CD36: variants seen among roughly 807,000 people sequenced by gnomAD.
CD36 encodes the protein CD36 molecule (CD36 blood group), also known as platelet glycoprotein 4.
A neutral mutation model predicts 55.2 loss-of-function variants in CD36; 119 were observed. The observed-to-expected ratio is 2.15, with a 90% CI of 1.86 to 2.51. The LOEUF is 2.51. Among genes scored for constraint, CD36 ranks in the 30% most tolerant of loss-of-function variants. CD36 has a pLI of 0.00. For synonymous variants in CD36, 186 were observed against 193.6 expected (o/e 0.96, Z 0.33); for missense variants, 819 against 555.5 (o/e 1.47, Z -4.77).
In CD36 at chr7:80,671,872, G is replaced by A. The variant is rs764283553; in HGVS notation, c.1007-50G>A. On this transcript the variant is annotated intron_variant, in intron 10 of 14. Transcript: ENST00000447544. ...TGGAAATATTTTTTGAGTTATATGT[G>A]AAATGAAGGAAGTTATTAATTCCAA... 7 of 1,561,802 alleles carry A rather than the reference G, an allele frequency of 4.5e-6. No individual in the cohort carries two copies. The African/African-American group carries it at 8.1e-5, about 18-fold the overall frequency.
chr7:80,674,247 T>G, intron 14 of CD36, 100 bp downstream of exon 14: 3 of 791,032 alleles, frequency 3.8e-6, no homozygotes, highest in Middle Eastern at 3.1e-4. Flanking sequence ...CATATATATT[T>G]CTAGACATGT....
chr7:80,612,011 C>A (rs1210790188), intron 1 of CD36, among the ~76,000 whole-genome samples: 1 of 152,182 alleles, frequency 6.6e-6, no homozygotes. Flanking sequence ...GAACAAACAC[C>A]AAGGCCAAGC....
intron 1 of CD36, among the ~76,000 whole-genome samples, chr7:80,611,620 A>T (rs1182785472): frequency 6.6e-6 from 1 of 152,224 alleles, no homozygotes; most frequent in African/African-American, 2.4e-5. Context: ...GGGAACTGAC[A>T]GTGACCCGGT....
At chr7:80,616,304 T>G (rs1182834745) in intron 1 of CD36, among the ~76,000 whole-genome samples, 1 of 152,124 alleles carries the variant, frequency 6.6e-6, no homozygotes, top group East Asian at 1.9e-4. Flanking sequence ...ATGTGGACTA[T>G]GTCATGTAAT....
intron 1 of CD36, chr7:80,633,232 G>A (rs917284796): frequency 1.3e-5 from 2 of 151,904 alleles, no homozygotes; most frequent in African/African-American, 4.8e-5. Flanking sequence ...GTAAGAATTA[G>A]GTCTGCCAAC....
At chr7:80,670,835 C>CCAAT in intron 9 of CD36, 142 bp from the exon 10 acceptor site, 1 of 670,426 alleles carries the variant, frequency 1.5e-6, no homozygotes. Flanking sequence ...TTAAAATTTC[C>CCAAT]CAATCACTTT....
intron 1 of CD36, among the ~76,000 whole-genome samples, chr7:80,609,874 G>A (rs950406556): frequency 6.6e-6 from 1 of 152,186 alleles, no homozygotes; most frequent in Admixed American, 6.5e-5. Context: ...TGTTGGTGAA[G>A]GGAGCCAGAT....
rs539721305 is a variant in CD36 at position 80,609,876 on chromosome 7, G to T, written c.-184+7497G>T. On this transcript the variant is annotated intron_variant, in intron 1 of 13. Transcript: ENST00000309881. The stretch of plus-strand genomic sequence containing the variant: ...TTGGCTTGTGATCTGTTGGTGAAGG[G>T]AGCCAGATGAGAATTTGGTTCAGGT... Among the ~76,000 whole-genome samples the T allele has an allele frequency of 2.0e-5, 3 of 152,286 alleles. No homozygotes were observed. The South Asian group carries it at 6.2e-4, about 32-fold the overall frequency.
chr7:80,607,861 T>C (rs1792651621), intron 1 of CD36, among the ~76,000 whole-genome samples: 2 of 152,112 alleles, frequency 1.3e-5, no homozygotes, highest in Admixed American at 1.3e-4. Context: ...AACCTCCTCC[T>C]CCCAGGTTCA....
At chr7:80,609,770 A>G (rs1271116900) in intron 1 of CD36, among the ~76,000 whole-genome samples, 1 of 152,252 alleles carries the variant, frequency 6.6e-6, no homozygotes, top group Non-Finnish European at 1.5e-5. Context: ...TTCAACAACA[A>G]GAGCTTGATA....
At chr7:80,616,049 CTTG>C in intron 1 of CD36, among the ~76,000 whole-genome samples, 1 of 152,026 alleles carries the variant, frequency 6.6e-6, no homozygotes, top group African/African-American at 2.4e-5. Context: ...AATAGGAGAT[CTTG>C]TTGTATTTCT....
At position 80,664,398 on chromosome 7, in the gene CD36, T is replaced by C; in HGVS notation, c.610-8T>C. 1 of 1,399,902 alleles carries C rather than the reference T, an allele frequency of 7.1e-7. No homozygotes were observed. The highest frequency in any genetic ancestry group is 1.0e-6 in the Non-Finnish European group (1 of 985,006). 86.7% of individuals were successfully genotyped at this position (1,399,902 alleles called of 1,614,324 possible). The stretch of plus-strand genomic sequence containing the variant: ...TAGAAGTAACATTTTCCCATACATA[T>C]ATTTCAGTACAACAATACTGCAGAT... On this transcript the variant is annotated splice_polypyrimidine_tract_variant and splice_region_variant and intron_variant, in intron 6 of 14. Transcript: ENST00000447544.
At chr7:80,634,248 T>C (rs2116162264), upstream of CD36, among the ~76,000 whole-genome samples, 1 of 152,156 alleles carries the variant, frequency 6.6e-6, no homozygotes, top group South Asian at 2.1e-4. Flanking sequence ...AGTAAGCTCC[T>C]ACTATGTGTT....
At chr7:80,610,715 C>T (rs542109410) in intron 1 of CD36, among the ~76,000 whole-genome samples, 60 of 152,056 alleles carry the variant, frequency 3.9e-4, no homozygotes, top group Non-Finnish European at 5.6e-4. Flanking sequence ...GCTGGGACTA[C>T]AGGCGCCCGC....
chr7:80,615,199 G>A (rs1248560816), intron 1 of CD36, among the ~76,000 whole-genome samples: 1 of 152,132 alleles, frequency 6.6e-6, no homozygotes, highest in Admixed American at 6.5e-5. Context: ...TCATTTATTA[G>A]TCATCGAGCT....
At chr7:80,652,501 A>T (rs970381915) in intron 3 of CD36, among the ~76,000 whole-genome samples, 1 of 152,204 alleles carries the variant, frequency 6.6e-6, no homozygotes, top group African/African-American at 2.4e-5. Context: ...TTCTCAACTT[A>T]CACACACTTG....
chr7:80,647,086 C>G, intron 3 of CD36: 2 of 473,630 alleles, frequency 4.2e-6, no homozygotes, highest in Non-Finnish European at 7.7e-6. Flanking sequence ...AATATAAATA[C>G]CAAATTCTAT....
chr7:80,642,531 G>T (rs1371679267), intron 1 of CD36, among the ~76,000 whole-genome samples: 1 of 152,066 alleles, frequency 6.6e-6, no homozygotes, highest in Non-Finnish European at 1.5e-5. Context: ...CGTAGTATGG[G>T]TGGTTCTCCT....
intron 1 of CD36, among the ~76,000 whole-genome samples, chr7:80,621,919 C>G (rs28694631): frequency 6.6e-6 from 1 of 152,188 alleles, no homozygotes; most frequent in African/African-American, 2.4e-5. Context: ...GCATTGAGAA[C>G]TTGTCTTCCT....
Sources: gnomAD v4.1 joint callset for allele counts (sites outside exome capture counted in the v4.1 genomes callset) on GRCh38, gnomAD v4.1.1 for gene constraint, MANE v1.5 for transcripts, NCBI Gene and HGNC (gene_info 2026-07-23, HGNC 2026-07-21) for gene names.